The following EP400 variants were observed in gnomAD, a reference collection of about 807,000 sequenced individuals.
EP400 encodes the protein E1A binding protein p400, also known as E1A-binding protein p400.
A neutral mutation model predicts 354.1 loss-of-function variants in EP400; 105 were observed. The observed-to-expected ratio is 0.30, with a 90% confidence interval of 0.25 to 0.35. EP400 has a LOEUF of 0.35. EP400 is among the 10% of genes least tolerant of loss of function. The probability of loss-of-function intolerance (pLI) is 1.00; values close to 1 mark genes in which losing one functional copy is unlikely to be tolerated. For synonymous variants in EP400, 1,646 were observed against 1,716.9 expected (o/e 0.96, Z 1.02); for missense variants, 3,280 against 4,121.0 (o/e 0.80, Z 5.59).
chr12:132,053,287 G>A (rs1593376445), intron 42 of EP400, 56 bp from the exon 43 acceptor site: 2 of 1,607,814 alleles, frequency 1.2e-6, no homozygotes, highest in East Asian at 2.2e-5. Flanking sequence ...TCATCCAGGG[G>A]GTATGCAGGC....
intron 30 of EP400, among the ~76,000 whole-genome samples, chr12:132,032,798 T>C (rs1439055727): frequency 6.6e-6 from 1 of 151,784 alleles, no homozygotes; most frequent in African/African-American, 2.4e-5. Context: ...GACCGGCTAG[T>C]TTTTGTATTT....
intron 11 of EP400, among the ~76,000 whole-genome samples, chr12:131,992,598 A>G (rs943756523): frequency 6.6e-6 from 1 of 152,162 alleles, no homozygotes; most frequent in African/African-American, 2.4e-5. Flanking sequence ...GGAGAAACTC[A>G]TGTGAATTTT....
chr12:132,060,914 CAAAA>C (rs11305330), intron 45 of EP400, among the ~76,000 whole-genome samples: 1 of 110,430 alleles, frequency 9.1e-6, no homozygotes. Context: ...GACTCCGTCT[CAAAA>C]AAAAAAAAAA....
In EP400 at chr12:132,005,130, A is replaced by C; in HGVS notation, c.2881A>C (p.Ser961Arg). The stretch of plus-strand genomic sequence containing the variant: ...GCTGTACGAAGGCGCCTTCCTGCCG[A>C]GTTCTCAGTGGCCCCGGCCGAAGCC... ...MKLYEGAFLP[S>R]SQWPRPKPDG... The change falls in exon 13 of 53, where the codon AGT (serine) becomes CGT (arginine). Residue 961 changes from serine to arginine, a missense_variant. By Grantham distance (110) the Ser-to-Arg change is moderately radical (BLOSUM62 -1). This residue lies in a region of EP400 where 800 missense variants were observed against 840.0 expected (regional missense o/e 0.95). Coordinates refer to ENST00000389561, the MANE Select transcript of EP400 (RefSeq NM_015409.5). The C allele has an allele frequency of 6.3e-7, 1 of 1,590,552 alleles. No individual in the cohort carries two copies. The highest frequency in any genetic ancestry group is 8.6e-7 in the Non-Finnish European group (1 of 1,168,732).
chr12:132,053,459 A>G lies in EP400; in HGVS notation c.7590A>G (p.Ala2530=), dbSNP rs1461167540. The G allele has an allele frequency of 1.4e-6, 2 of 1,441,530 alleles. No individual in the cohort carries two copies. Among genetic ancestry groups the G allele is most frequent in the Non-Finnish European group, 9.2e-7 (1 of 1,091,058 alleles). 89.3% of individuals were successfully genotyped at this position (1,441,530 alleles called of 1,614,324 possible). A position where few individuals can be genotyped will look rare whatever the true frequency, so the allele number is the denominator to read the frequency against. ...QPPPPLPQPQ[A]AGSQPPAGPP... ...CGCCACCGCTGCCACAACCACAGGC[A>G]GCGGGCAGCCAGCCGCCAGCAGGGC... Residue 2530 remains alanine, a synonymous_variant, in exon 43 of 53, where the codon GCA becomes GCG. Coordinates refer to ENST00000389561, the MANE Select transcript of EP400 (RefSeq NM_015409.5).
At chr12:131,985,097 C>T (rs1179620087) in intron 5 of EP400, among the ~76,000 whole-genome samples, 2 of 152,094 alleles carry the variant, frequency 1.3e-5, no homozygotes, top group Non-Finnish European at 2.9e-5. Context: ...CTCAACTAAT[C>T]CACCCACCTT....
At chr12:131,959,897 C>T (rs1244644570) in intron 1 of EP400, among the ~76,000 whole-genome samples, 1 of 152,252 alleles carries the variant, frequency 6.6e-6, no homozygotes. Flanking sequence ...CCGGGCCTGA[C>T]ACACAAATGG....
rs1893794456 is a variant in EP400, at chr12:132,012,348, G to T, written c.3442-661G>T. ...GAAGTCCAAGATCCAGATGCCAGCA[G>T]ATTTAGTGTCTGGTGAGGGCCTGGT... On this transcript the variant is annotated intron_variant, in intron 16 of 52. Coordinates refer to ENST00000389561, the MANE Select transcript of EP400 (RefSeq NM_015409.5). 2.0e-5 allele frequency among the ~76,000 whole-genome samples: 3 copies of T among 152,226 alleles called. No homozygotes were observed. In the East Asian group the frequency reaches 5.8e-4, roughly 29 times the overall value.
Position 132,045,708 on chromosome 12 carries a change from C to T in EP400, c.7027-19C>T, listed in dbSNP as rs1415161573. The T allele has an allele frequency of 1.2e-6, 2 of 1,613,660 alleles. No homozygotes were observed. The highest frequency in any genetic ancestry group is 1.7e-6 in the Non-Finnish European group (2 of 1,179,724). On this transcript the variant is annotated intron_variant, in intron 38 of 52. Transcript: ENST00000389561. ...CTTAGAGTGTATTCACCTGTTTTAC[C>T]TGAAATCTCCTTCTCTAGGCTGTAA... is the stretch of plus-strand genomic sequence containing the variant.
At position 132,029,598 on chromosome 12, in the gene EP400, G is replaced by A; in HGVS notation, c.5382-103G>A. On this transcript the variant is annotated intron_variant, in intron 27 of 52. Transcript: ENST00000389561. The surrounding 1 kb of genome is among the most constrained non-coding windows in gnomAD (Gnocchi z 4.7). ...ACTGGGTTGAGCCCTGCTGTTTCCTGGGACTTGGACTGTCAGAAGTCTGCC... is the reference window on the plus strand; with the variant it reads ...ACTGGGTTGAGCCCTGCTGTTTCCTAGGACTTGGACTGTCAGAAGTCTGCC... The A allele has an allele frequency of 7.6e-7, 1 of 1,308,036 alleles. No homozygotes were observed. The allele number at this position is 1,308,036 out of a possible 1,614,324, so 81.0% of individuals were successfully genotyped here.
chr12:131,975,901 A>ATT (rs1166777071), intron 2 of EP400, among the ~76,000 whole-genome samples: 7 of 152,018 alleles, frequency 4.6e-5, no homozygotes, highest in Non-Finnish European at 1.0e-4. Flanking sequence ...GGGTCTCATT[A>ATT]TATTGCCCAG....
At chr12:131,978,154 C>G (rs558014004) in intron 2 of EP400, among the ~76,000 whole-genome samples, 1 of 152,280 alleles carries the variant, frequency 6.6e-6, no homozygotes, top group African/African-American at 2.4e-5. Context: ...CCCATGTAAA[C>G]TTTTAAAAAA....
intron 45 of EP400, among the ~76,000 whole-genome samples, chr12:132,061,328 G>A (rs975049432): frequency 2.7e-5 from 4 of 148,254 alleles, no homozygotes; most frequent in African/African-American, 1.0e-4. Flanking sequence ...GGAAGGAGAT[G>A]AAAAGAAACA....
chr12:132,049,298 A>G (rs1895217675), intron 39 of EP400, among the ~76,000 whole-genome samples: 1 of 152,208 alleles, frequency 6.6e-6, no homozygotes, highest in Non-Finnish European at 1.5e-5. Context: ...TAGGCCTGGT[A>G]TTAGTCTTAT....
At position 132,025,896 on chromosome 12, in the gene EP400, G is replaced by C; in HGVS notation, c.5014+92G>C. The stretch of plus-strand genomic sequence containing the variant: ...GGAAAGCATTCATGTGTCTTTGACT[G>C]TATCTCAGAACAGCACAGTCTAGTG... On this transcript the variant is annotated intron_variant, in intron 25 of 52. Transcript: ENST00000389561. This position sits in a 1 kb window ranked among gnomAD's most constrained non-coding sequence, Gnocchi z 4.1. The C allele has an allele frequency of 5.0e-6, 7 of 1,405,836 alleles. No homozygotes were observed. Among genetic ancestry groups the C allele is most frequent in the Non-Finnish European group, 6.6e-6 (7 of 1,067,928 alleles). The allele number at this position is 1,405,836 out of a possible 1,614,324, so 87.1% of individuals were successfully genotyped here. A position where few individuals can be genotyped will look rare whatever the true frequency, so the allele number is the denominator to read the frequency against.
intron 39 of EP400, among the ~76,000 whole-genome samples, chr12:132,048,883 G>T (rs1458734748): frequency 6.6e-6 from 1 of 152,198 alleles, no homozygotes; most frequent in Non-Finnish European, 1.5e-5. Context: ...GGAGCACTTT[G>T]TTAAGAGCCT....
chr12:132,042,052 A>C (rs1420454025), intron 32 of EP400, among the ~76,000 whole-genome samples: 1 of 151,386 alleles, frequency 6.6e-6, no homozygotes, highest in African/African-American at 2.4e-5. Context: ...CCCAGGTCAA[A>C]GTGATCCTCC....
intron 2 of EP400, chr12:131,963,441 G>A (rs940362910): frequency 4.8e-5 from 43 of 893,706 alleles, no homozygotes; most frequent in East Asian, 1.0e-4. Flanking sequence ...AACCCCAAAT[G>A]TCAGTGAGCT....
intron 39 of EP400, among the ~76,000 whole-genome samples, chr12:132,047,453 AT>A (rs1414463805): frequency 6.6e-6 from 1 of 152,104 alleles, no homozygotes; most frequent in Non-Finnish European, 1.5e-5. Flanking sequence ...AAAAAGAGAA[AT>A]TTTAAAGCTG....
Sources: gnomAD v4.1 joint callset for allele counts (sites outside exome capture counted in the v4.1 genomes callset) on GRCh38, gnomAD v4.1.1 for gene constraint, gnomAD v4.1.1 regional missense constraint, Gnocchi (gnomAD v3.1) non-coding constraint, MANE v1.5 for transcripts, NCBI Gene and HGNC (gene_info 2026-07-23, HGNC 2026-07-21) for gene names.